The following DGKH variants were observed in gnomAD, a reference collection of about 807,000 sequenced individuals.
DGKH encodes the protein DAG kinase eta.
Under a neutral mutation model 159.3 loss-of-function variants are expected in DGKH, and 90 were observed. That is an observed-to-expected ratio of 0.57 (90% CI 0.48 to 0.67). DGKH has a LOEUF of 0.67. Ranked by LOEUF, DGKH falls within the 30% of genes least tolerant of loss-of-function variation. DGKH has a pLI of 0.00. For synonymous variants in DGKH, 536 were observed against 553.8 expected, an observed-to-expected ratio of 0.97 and a Z score of 0.45; for missense variants, 1,181 against 1,506.1, an observed-to-expected ratio of 0.78 and a Z score of 3.57.
chr13:42,212,432 T>C (rs1039884215), intron 24 of DGKH, among the ~76,000 whole-genome samples: 1 of 152,224 alleles, frequency 6.6e-6, no homozygotes, highest in Non-Finnish European at 1.5e-5. Context: ...GGGTTGTTAG[T>C]TTCAGACTAA....
chr13:42,059,905 CTTTTTTTT>C (rs11357293), intron 1 of DGKH, among the ~76,000 whole-genome samples: 22 of 139,818 alleles, frequency 1.6e-4, no homozygotes, highest in Admixed American at 1.6e-3. Flanking sequence ...TCTCTTTTTT[CTTTTTTTT>C]TTTTTTTATA....
At chr13:42,125,552 T>C (rs1022418149) in intron 1 of DGKH, among the ~76,000 whole-genome samples, 3 of 152,224 alleles carry the variant, frequency 2.0e-5, no homozygotes, top group Non-Finnish European at 4.4e-5. Flanking sequence ...TCTGTCTGTC[T>C]GACTCTAAAT....
chr13:42,080,851 T>C (rs1273702362), intron 1 of DGKH, among the ~76,000 whole-genome samples: 1 of 152,166 alleles, frequency 6.6e-6, no homozygotes, highest in Admixed American at 6.5e-5. Flanking sequence ...CAGCTTTTTA[T>C]AAGATTTTAT....
At chr13:42,153,772 AT>A (rs1284479751) in intron 3 of DGKH, 1 of 152,254 alleles carries the variant, frequency 6.6e-6, no homozygotes, top group Non-Finnish European at 1.5e-5. Flanking sequence ...CCAACTGTTA[AT>A]AAGCTTTATC....
At chr13:42,151,487 G>GTA (rs1955882330) in intron 3 of DGKH, among the ~76,000 whole-genome samples, 1 of 117,360 alleles carries the variant, frequency 8.5e-6, no homozygotes, top group Admixed American at 9.3e-5. Flanking sequence ...TGGTGTGTGT[G>GTA]TGTGTGTGTG....
intron 29 of DGKH, among the ~76,000 whole-genome samples, chr13:42,226,345 G>A (rs9594714): frequency 6.6e-6 from 1 of 152,028 alleles, no homozygotes; most frequent in African/African-American, 2.4e-5. Context: ...TACACTGTTG[G>A]TGGGAATGTA....
chr13:42,088,385 T>C (rs899858255), intron 1 of DGKH, among the ~76,000 whole-genome samples: 12 of 152,182 alleles, frequency 7.9e-5, no homozygotes, highest in Non-Finnish European at 1.6e-4. Flanking sequence ...ATTTTCTGAT[T>C]ATTTTCCAAA....
intron 3 of DGKH, among the ~76,000 whole-genome samples, chr13:42,142,801 G>T: frequency 6.6e-6 from 1 of 152,160 alleles, no homozygotes; most frequent in Non-Finnish European, 1.5e-5. Flanking sequence ...TTTGGGCTGA[G>T]ACGATGGGGT....
At chr13:42,225,300 G>A (rs745412553) in intron 29 of DGKH, 9 of 1,584,884 alleles carry the variant, frequency 5.7e-6, no homozygotes, top group South Asian at 1.1e-5. Flanking sequence ...AACACAGTAG[G>A]AGAAAAAAGA....
chr13:42,256,037 G>A (rs1259012545), intron 30 of DGKH: 1 of 1,492,108 alleles, frequency 6.7e-7, no homozygotes, highest in African/African-American at 1.4e-5. Flanking sequence ...TCGTTTTCTG[G>A]GTTCTGGCCC....
At chr13:42,182,366 G>A (rs939330396) in intron 13 of DGKH, among the ~76,000 whole-genome samples, 3 of 152,154 alleles carry the variant, frequency 2.0e-5, no homozygotes. Context: ...AGAACATCCT[G>A]AAAATTATTC....
In DGKH at chr13:42,215,659, G is replaced by T. The variant is rs1296062723; in HGVS notation, c.3205G>T (p.Val1069Phe). ...NETESLLVGR[V>F]PLQLESPHEE... ...AACAGAATCTTTGCTAGTTGGCAGGGTTCCTTTGGTAAGGAAAAGAATGAC... is the reference window on the plus strand; with the variant it reads ...AACAGAATCTTTGCTAGTTGGCAGGTTTCCTTTGGTAAGGAAAAGAATGAC... Residue 1069 changes from valine (V) to phenylalanine (F), a missense_variant, in exon 26 of 30, where the codon GTT becomes TTT. Physicochemically the swap from Val to Phe is conservative, Grantham distance 50 (BLOSUM62 -1). This residue lies in a region of DGKH where 335 missense variants were observed against 495.2 expected (regional missense o/e 0.68). Coordinates refer to ENST00000337343, the MANE Select transcript of DGKH (RefSeq NM_178009.5). 2 of 1,609,144 alleles carry T rather than the reference G, an allele frequency of 1.2e-6. No homozygotes were observed. The highest frequency in any genetic ancestry group is 1.1e-5 in the South Asian group (1 of 90,320).
chr13:42,051,447 A>T (rs1881292257), intron 1 of DGKH, among the ~76,000 whole-genome samples: 1 of 152,140 alleles, frequency 6.6e-6, no homozygotes, highest in Non-Finnish European at 1.5e-5. Flanking sequence ...TTCTTGGGGA[A>T]GAAAGTGAGA....
intron 23 of DGKH, among the ~76,000 whole-genome samples, chr13:42,210,368 C>T (rs1271049293): frequency 6.6e-6 from 1 of 151,938 alleles, no homozygotes; most frequent in Non-Finnish European, 1.5e-5. Context: ...AGGTGATTGT[C>T]CCGCCTTGAC....
intron 3 of DGKH, among the ~76,000 whole-genome samples, chr13:42,151,534 TA>T: frequency 2.7e-5 from 1 of 37,074 alleles, no homozygotes; most frequent in Non-Finnish European, 7.4e-5. Context: ...TACACGTGTA[TA>T]TATATATATA....
rs183294619 is a variant in DGKH, at chr13:42,141,382, G to A, written c.384+11750G>A. On this transcript the variant is annotated intron_variant, in intron 3 of 29. Coordinates refer to ENST00000337343, the MANE Select transcript of DGKH (RefSeq NM_178009.5). ...ACATACATGTGCGTGTGTCTGTATA[G>A]CAGCATGATTTATAGTCCTTTGGGT... 3.0e-3 allele frequency among the ~76,000 whole-genome samples: 463 copies of A among 152,264 alleles called. 3 individuals are homozygous for A. The highest frequency in any genetic ancestry group is 0.011 in the African/African-American group (447 of 41,548).
At chr13:42,105,450 GA>G (rs1340074949) in intron 1 of DGKH, among the ~76,000 whole-genome samples, 1 of 152,164 alleles carries the variant, frequency 6.6e-6, no homozygotes, top group Non-Finnish European at 1.5e-5. Context: ...AACTGTGGGA[GA>G]TACATTCCAA....
chr13:42,209,240 T>C, intron 22 of DGKH, 91 bp from the exon 23 acceptor site: 1 of 1,503,158 alleles, frequency 6.7e-7, no homozygotes, highest in South Asian at 1.3e-5. Context: ...TAGTCTATTC[T>C]GTAGAATAGT....
At chr13:42,086,936 C>G (rs1363460354) in intron 1 of DGKH, among the ~76,000 whole-genome samples, 1 of 152,042 alleles carries the variant, frequency 6.6e-6, no homozygotes, top group Admixed American at 6.6e-5. Flanking sequence ...GGGAACCACA[C>G]AGAAAGAAAG....
Sources: gnomAD v4.1 joint callset for allele counts (sites outside exome capture counted in the v4.1 genomes callset) on GRCh38, gnomAD v4.1.1 for gene constraint, gnomAD v4.1.1 regional missense constraint, MANE v1.5 for transcripts, NCBI Gene and HGNC (gene_info 2026-07-23, HGNC 2026-07-21) for gene names.